Variants in LAMA3 observed in about 807,000 individuals in gnomAD.
LAMA3 encodes the protein laminin subunit alpha 3, also known as laminin subunit alpha-3.
A neutral mutation model predicts 402.0 loss-of-function variants in LAMA3; 281 were observed. The ratio of observed to expected loss-of-function variants is 0.70; its 90% CI spans 0.63 to 0.77. The LOEUF (loss-of-function observed/expected upper bound fraction) is 0.77, where lower values mean the gene tolerates loss of function less well. Ranked by LOEUF, LAMA3 falls within the 30% of genes least tolerant of loss-of-function variation. The pLI, the probability that LAMA3 is intolerant of heterozygous loss-of-function variation, is 0.00. For synonymous variants in LAMA3, 1,431 were observed against 1,558.4 expected (o/e 0.92, Z 1.93); for missense variants, 3,840 against 4,215.5 (o/e 0.91, Z 2.47).
chr18:23,795,719 TATA>T (rs2062749230), intron 12 of LAMA3, among the ~76,000 whole-genome samples: 3 of 151,430 alleles, frequency 2.0e-5, no homozygotes, highest in Non-Finnish European at 4.4e-5. Context: ...GGGCTTAAAA[TATA>T]TATATTTTTT....
intron 67 of LAMA3, among the ~76,000 whole-genome samples, chr18:23,936,255 A>C (rs1394307434): frequency 6.6e-6 from 1 of 150,814 alleles, no homozygotes. Context: ...ATTTTTTATT[A>C]TACTTTAAGT....
At chr18:23,813,414 A>T (rs189249141) in intron 14 of LAMA3, among the ~76,000 whole-genome samples, 80 of 152,312 alleles carry the variant, frequency 5.3e-4, no homozygotes, top group African/African-American at 1.9e-3. Context: ...CATAATTAAT[A>T]ACATTGAGAA....
At chr18:23,842,803 A>G (rs978314413) in intron 29 of LAMA3, 53 bp downstream of exon 29, 1 of 1,606,156 alleles carries the variant, frequency 6.2e-7, no homozygotes, top group Admixed American at 1.7e-5. Flanking sequence ...CTGGCTGGCC[A>G]TTCTGGGTGT....
At position 23,815,389 on chromosome 18, in the gene LAMA3, G is replaced by A; in HGVS notation, c.1942-79G>A. On this transcript the variant is annotated intron_variant, in intron 16 of 74. Transcript: ENST00000313654. ...TGGCTACACTGCTTCCTATTATACA[G>A]TGAGGCAGTTTTCAATCTTGAAGAT... 2.1e-6 allele frequency: 3 copies of A among 1,400,618 alleles called. No homozygotes were observed. In the South Asian group the frequency reaches 3.5e-5, roughly 16 times the overall value. 86.8% of individuals were successfully genotyped at this position (1,400,618 alleles called of 1,614,324 possible).
chr18:23,900,101 C>T (rs2081020201), intron 47 of LAMA3, among the ~76,000 whole-genome samples: 1 of 151,886 alleles, frequency 6.6e-6, no homozygotes, highest in Non-Finnish European at 1.5e-5. Flanking sequence ...GACAGAGTCT[C>T]ACTCCATTAC....
chr18:23,953,300 C>G (rs2082985144), intron 74 of LAMA3, among the ~76,000 whole-genome samples, 191 bp downstream of exon 74: 1 of 151,390 alleles, frequency 6.6e-6, no homozygotes, highest in East Asian at 1.9e-4. Flanking sequence ...ACTGCTGTTG[C>G]CCCTTGCCCC....
chr18:23,891,040 G>A (rs1215613507), intron 42 of LAMA3, among the ~76,000 whole-genome samples: 1 of 152,236 alleles, frequency 6.6e-6, no homozygotes, highest in Non-Finnish European at 1.5e-5. Context: ...CAGATTAATA[G>A]GAGAAAAGGC....
At position 23,861,767 on chromosome 18, in the gene LAMA3, G is replaced by T; in HGVS notation, c.4544G>T (p.Ser1515Ile). Residue 1515 changes from serine to isoleucine, a missense_variant, in exon 35 of 75, where the codon AGC (serine) becomes ATC (isoleucine). Transcript: ENST00000313654. ...CAGGAGCTGCCCGCAACCATCCACAGCGCGTCCTGGGTCGCACCCACCTCC... is the reference window on the plus strand; with the variant it reads ...CAGGAGCTGCCCGCAACCATCCACATCGCGTCCTGGGTCGCACCCACCTCC... ...DLQELPATIH[S>I]ASWVAPTSYL... 6.2e-7 allele frequency: 1 copy of T among 1,613,786 alleles called. No homozygotes were observed.
At chr18:23,857,546 A>G (rs2064111303) in intron 32 of LAMA3, among the ~76,000 whole-genome samples, 1 of 152,172 alleles carries the variant, frequency 6.6e-6, no homozygotes, top group Non-Finnish European at 1.5e-5. Flanking sequence ...CTTATGGGCC[A>G]TCTGCGGGAG....
intron 2 of LAMA3, among the ~76,000 whole-genome samples, chr18:23,742,890 A>G (rs531379413): frequency 6.6e-6 from 1 of 152,334 alleles, no homozygotes; most frequent in African/African-American, 2.4e-5. Flanking sequence ...CACTTTTATT[A>G]TAAACTTAGA....
intron 8 of LAMA3, among the ~76,000 whole-genome samples, chr18:23,764,522 T>C (rs190649002): frequency 6.6e-6 from 1 of 152,282 alleles, no homozygotes; most frequent in Admixed American, 6.5e-5. Context: ...CTCTCAGTGA[T>C]ATTATGTTTT....
chr18:23,697,076 C>T (rs1009648418), intron 1 of LAMA3, among the ~76,000 whole-genome samples: 6 of 152,156 alleles, frequency 3.9e-5, no homozygotes, highest in Admixed American at 3.3e-4. Context: ...TTGTAAGCAG[C>T]GGTTCTCCAT....
chr18:23,889,346 G>A (rs561278075), intron 41 of LAMA3, among the ~76,000 whole-genome samples: 1 of 152,238 alleles, frequency 6.6e-6, no homozygotes, highest in South Asian at 2.1e-4. Context: ...AGGATTGCTT[G>A]AGCCCAGAAG....
At chr18:23,787,327 C>A (rs953179966) in intron 12 of LAMA3, among the ~76,000 whole-genome samples, 3 of 151,514 alleles carry the variant, frequency 2.0e-5, no homozygotes, top group African/African-American at 7.3e-5. Context: ...ATATGGGATA[C>A]CATTAAGCAC....
At chr18:23,858,066 G>A (rs992324228) in intron 33 of LAMA3, 78 bp downstream of exon 33, 2 of 1,553,682 alleles carry the variant, frequency 1.3e-6, no homozygotes, top group Middle Eastern at 3.5e-4. Flanking sequence ...ACATAGAAAA[G>A]TATGTGGGAA....
chr18:23,751,869 T>C (rs1380411463), intron 5 of LAMA3, among the ~76,000 whole-genome samples: 3 of 152,168 alleles, frequency 2.0e-5, no homozygotes, highest in African/African-American at 2.4e-5. Flanking sequence ...GTGCCTTCCA[T>C]TGGCCAAAGC....
chr18:23,783,944 T>C, intron 11 of LAMA3, 79 bp from the exon 12 acceptor site: 1 of 1,539,198 alleles, frequency 6.5e-7, no homozygotes, highest in Non-Finnish European at 9.0e-7. Context: ...ATTCCCATGA[T>C]AGAAACCTAG....
At chr18:23,706,983 C>T (rs2060901322) in intron 1 of LAMA3, among the ~76,000 whole-genome samples, 1 of 152,196 alleles carries the variant, frequency 6.6e-6, no homozygotes, top group African/African-American at 2.4e-5. Flanking sequence ...GAGGCTGAGG[C>T]AGGAGAATCA....
chr18:23,869,016 T>C (rs536669924), intron 37 of LAMA3, among the ~76,000 whole-genome samples: 4 of 152,310 alleles, frequency 2.6e-5, no homozygotes, highest in Admixed American at 2.6e-4. Flanking sequence ...TGATACTTGC[T>C]ATAAGACACA....
Sources: allele counts gnomAD v4.1 joint callset (sites outside exome capture counted in the v4.1 genomes callset), GRCh38; gene constraint gnomAD v4.1.1; transcripts MANE v1.5; gene names NCBI Gene and HGNC (gene_info 2026-07-23, HGNC 2026-07-21).